Variants in CD44 observed in about 807,000 individuals in gnomAD.
The protein encoded by CD44 is CD44 antigen.
CD44 carries 49 observed loss-of-function variants against 88.8 expected under a neutral mutation model. The ratio of observed to expected loss-of-function variants is 0.55; its 90% CI spans 0.44 to 0.70. The LOEUF is 0.70. CD44 is among the 30% of genes least tolerant of loss of function. The pLI, the probability that CD44 is intolerant of heterozygous loss-of-function variation, is 0.00. For synonymous variants in CD44, 325 were observed against 312.3 expected (o/e 1.04, Z -0.43); for missense variants, 883 against 913.8 (o/e 0.97, Z 0.43).
At chr11:35,196,496 T>G (rs1030420321) in intron 5 of CD44, among the ~76,000 whole-genome samples, 3 of 149,838 alleles carry the variant, frequency 2.0e-5, no homozygotes, top group Admixed American at 6.7e-5. Flanking sequence ...CCAGCAAAAT[T>G]TTTAAATCTT....
chr11:35,184,860 A>C (rs1339649947), intron 3 of CD44, among the ~76,000 whole-genome samples: 2 of 110,606 alleles, frequency 1.8e-5, no homozygotes, highest in Non-Finnish European at 3.9e-5. Context: ...AGATGCATTT[A>C]GGGGGCTAAC....
chr11:35,187,052 C>A (rs1196184005), intron 4 of CD44, 152 bp downstream of exon 4: 1 of 578,072 alleles, frequency 1.7e-6, no homozygotes, highest in Non-Finnish European at 3.2e-6. Context: ...GTGGGTGGAT[C>A]ACTTGAGGTC....
intron 1 of CD44, among the ~76,000 whole-genome samples, chr11:35,140,884 G>T (rs1459755800): frequency 6.6e-6 from 1 of 152,038 alleles, no homozygotes; most frequent in East Asian, 1.9e-4. Flanking sequence ...AGCAGGGTGT[G>T]GTGGTGCACA....
At chr11:35,176,946 G>A (rs1944522806) in intron 2 of CD44, 2 of 533,552 alleles carry the variant, frequency 3.7e-6, no homozygotes, top group Admixed American at 7.2e-5. Context: ...GAATCATAGA[G>A]CGGGAACCCA....
intron 16 of CD44, among the ~76,000 whole-genome samples, chr11:35,220,027 A>G (rs1949158361): frequency 6.6e-6 from 1 of 152,236 alleles, no homozygotes; most frequent in Non-Finnish European, 1.5e-5. Context: ...TTGATTTGTC[A>G]TAGAGAATTA....
intron 1 of CD44, among the ~76,000 whole-genome samples, chr11:35,157,105 G>A (rs184002622): frequency 2.6e-4 from 39 of 152,308 alleles, no homozygotes; most frequent in Admixed American, 2.1e-3. Flanking sequence ...CAGTGACCTT[G>A]TCTGCTTTAT....
chr11:35,151,556 C>A (rs548243318), intron 1 of CD44, among the ~76,000 whole-genome samples: 6 of 152,170 alleles, frequency 3.9e-5, no homozygotes, highest in Non-Finnish European at 8.8e-5. Context: ...AAATGCTGTA[C>A]TAAGAAGTCA....
At position 35,230,515 on chromosome 11, in the gene CD44, T is replaced by C. The variant is rs1397704326; in HGVS notation, c.*1182T>C. On this transcript the variant is annotated 3_prime_UTR_variant, in exon 18 of 18. Coordinates refer to ENST00000428726, the MANE Select transcript of CD44 (RefSeq NM_000610.4). Reference sequence around the variant, plus strand: ...TTGGCAAAGGGGAAGGATGATGCCATGTAGATCCTGTTTGACATTTTTATG... The same window carrying C: ...TTGGCAAAGGGGAAGGATGATGCCACGTAGATCCTGTTTGACATTTTTATG... 2 of 152,180 alleles carry C rather than the reference T, an allele frequency of 1.3e-5. No individual in the cohort carries two copies. Among genetic ancestry groups the C allele is most frequent in the Admixed American group, 1.3e-4 (2 of 15,278 alleles). The allele number at this position is 152,180 out of a possible 1,614,324, so 9.4% of individuals were successfully genotyped here.
chr11:35,209,442 C>G (rs969045308), intron 12 of CD44, among the ~76,000 whole-genome samples: 1 of 152,028 alleles, frequency 6.6e-6, no homozygotes, highest in Non-Finnish European at 1.5e-5. Flanking sequence ...TAAGTATTTC[C>G]TTGTATAAAT....
intron 1 of CD44, among the ~76,000 whole-genome samples, chr11:35,167,094 C>T (rs1364911263): frequency 3.3e-5 from 5 of 152,152 alleles, no homozygotes; most frequent in East Asian, 3.9e-4. Context: ...TTGAAGCCTT[C>T]GAACAAATGA....
At chr11:35,222,272 G>A (rs979294537) in intron 17 of CD44, 2 of 507,524 alleles carry the variant, frequency 3.9e-6, no homozygotes, top group African/African-American at 2.0e-5. Flanking sequence ...GGAAGTATTG[G>A]CCTTGTGCTT....
rs572162381 is a variant in CD44 at position 35,229,437 on chromosome 11, G to A, written c.*104G>A. 44 of 694,252 alleles carry A rather than the reference G, an allele frequency of 6.3e-5. No individual in the cohort carries two copies. Among genetic ancestry groups the A allele is most frequent in the South Asian group, 2.7e-4 (12 of 45,000 alleles). 43.0% of individuals were successfully genotyped at this position (694,252 alleles called of 1,614,324 possible). The stretch of plus-strand genomic sequence containing the variant: ...AATGTGCTACTGATTGTTTCATTGC[G>A]AATCTTTTTTAGCATAAAATTTTCT... On this transcript the variant is annotated 3_prime_UTR_variant, in exon 18 of 18. Coordinates refer to ENST00000428726, the MANE Select transcript of CD44 (RefSeq NM_000610.4).
chr11:35,223,452 C>T (rs908068247), intron 17 of CD44: 8 of 204,308 alleles, frequency 3.9e-5, no homozygotes, highest in Non-Finnish European at 5.2e-5. Flanking sequence ...AGGGAGACCT[C>T]GGAGAAGCAT....
At position 35,141,073 on chromosome 11, in the gene CD44, T is replaced by C. The variant is rs112468868; in HGVS notation, c.67+1703T>C. Among the ~76,000 whole-genome samples the C allele has an allele frequency of 6.8e-3, 1,038 of 152,268 alleles. 9 individuals carry two copies. The highest frequency in any genetic ancestry group is 0.01 in the Non-Finnish European group (693 of 68,018). Reference sequence around the variant, plus strand: ...TACCATTTACTGTATATTTTCACTGTGCCAGGCATTATGTTAAATATTTTC... The same window carrying C: ...TACCATTTACTGTATATTTTCACTGCGCCAGGCATTATGTTAAATATTTTC... On this transcript the variant is annotated intron_variant, in intron 1 of 17. Coordinates refer to ENST00000428726, the MANE Select transcript of CD44 (RefSeq NM_000610.4).
At chr11:35,185,969 A>G (rs946958939) in intron 3 of CD44, among the ~76,000 whole-genome samples, 3 of 152,182 alleles carry the variant, frequency 2.0e-5, no homozygotes, top group African/African-American at 4.8e-5. Flanking sequence ...ACATCTGTGG[A>G]TGATCAGTCA....
intron 15 of CD44, among the ~76,000 whole-genome samples, chr11:35,218,129 C>T (rs897938651): frequency 1.3e-5 from 2 of 151,934 alleles, no homozygotes; most frequent in African/African-American, 2.4e-5. Context: ...TCCCTCATTT[C>T]GATAGGCCTC....
At chr11:35,145,182 C>A (rs1293135222) in intron 1 of CD44, among the ~76,000 whole-genome samples, 3 of 152,236 alleles carry the variant, frequency 2.0e-5, no homozygotes, top group African/African-American at 7.2e-5. Context: ...CTTCTCCTGT[C>A]TTCTGCAGCA....
chr11:35,152,473 T>C (rs1295214053), intron 1 of CD44, among the ~76,000 whole-genome samples: 1 of 152,236 alleles, frequency 6.6e-6, no homozygotes, highest in Non-Finnish European at 1.5e-5. Context: ...TGGCTTTATC[T>C]GTCTAATGGT....
chr11:35,150,310 C>G (rs535097170), intron 1 of CD44, among the ~76,000 whole-genome samples: 1 of 152,106 alleles, frequency 6.6e-6, no homozygotes, highest in Non-Finnish European at 1.5e-5. Flanking sequence ...CTAGACCAAA[C>G]AAAAGATTAT....
Sources: allele counts gnomAD v4.1 joint callset (sites outside exome capture counted in the v4.1 genomes callset), GRCh38; gene constraint gnomAD v4.1.1; transcripts MANE v1.5; gene names NCBI Gene and HGNC (gene_info 2026-07-23, HGNC 2026-07-21).